Variants in COL21A1 observed in about 807,000 individuals in gnomAD.
COL21A1 encodes the protein collagen type XXI alpha 1 chain, also known as collagen alpha-1(XXI) chain.
Under a neutral mutation model 137.9 loss-of-function variants are expected in COL21A1, and 149 were observed. The ratio of observed to expected loss-of-function variants is 1.08; its 90% CI spans 0.95 to 1.24. The LOEUF is 1.24. COL21A1 is among the 50% of genes most tolerant of loss of function. The pLI, the probability that COL21A1 is intolerant of heterozygous loss-of-function variation, is 0.00. For synonymous variants in COL21A1, 456 were observed against 391.5 expected (o/e 1.16, Z -1.95); for missense variants, 1,167 against 1,158.4 (o/e 1.01, Z -0.11).
chr6:56,130,277 A>ATT (rs1773451768), intron 12 of COL21A1, among the ~76,000 whole-genome samples: 1 of 146,882 alleles, frequency 6.8e-6, no homozygotes, highest in Non-Finnish European at 1.5e-5. Flanking sequence ...ATACATGTAT[A>ATT]TTATATATAT....
intron 1 of COL21A1, among the ~76,000 whole-genome samples, chr6:56,295,741 A>G (rs1177706060): frequency 6.7e-6 from 1 of 149,692 alleles, no homozygotes; most frequent in Non-Finnish European, 1.5e-5. Flanking sequence ...TCAATTATTC[A>G]TTCCTGGTAT....
chr6:56,221,645 G>A (rs1780834145), intron 1 of COL21A1, among the ~76,000 whole-genome samples: 1 of 152,058 alleles, frequency 6.6e-6, no homozygotes, highest in Admixed American at 6.6e-5. Flanking sequence ...AACTGCTTGA[G>A]CCCAGGAGTT....
chr6:56,333,267 C>A (rs1475834686), intron 1 of COL21A1, among the ~76,000 whole-genome samples: 1 of 151,934 alleles, frequency 6.6e-6, no homozygotes, highest in East Asian at 1.9e-4. Flanking sequence ...TCCTTTCAAC[C>A]CTTCATTTCC....
intron 17 of COL21A1, among the ~76,000 whole-genome samples, chr6:56,094,477 A>T (rs1160387207): frequency 6.6e-6 from 1 of 152,100 alleles, no homozygotes; most frequent in Non-Finnish European, 1.5e-5. Flanking sequence ...TTTAACATTC[A>T]TATGTCTACC....
chr6:56,101,623 A>G, intron 16 of COL21A1, 98 bp from the exon 17 acceptor site: 1 of 799,432 alleles, frequency 1.3e-6, no homozygotes. Context: ...AACATTAAAT[A>G]CAAACAGAAA....
rs1413796613 is a variant in COL21A1 at position 56,125,551 on chromosome 6, T to C, written c.1650+16A>G. ...AAAGTTCAATATGAATACTTTGTTG[T>C]GTGATCTATACTTCCCTTTTTGCCA... is the stretch of plus-strand genomic sequence containing the variant. On this transcript the variant is annotated intron_variant, in intron 14 of 29. Coordinates refer to ENST00000244728, the MANE Select transcript of COL21A1 (RefSeq NM_030820.4). 1 of 1,574,882 alleles carries C rather than the reference T, an allele frequency of 6.3e-7. No homozygotes were observed. The highest frequency in any genetic ancestry group is 1.7e-5 in the Admixed American group (1 of 58,578).
At chr6:56,221,325 A>G (rs1780816156) in intron 1 of COL21A1, among the ~76,000 whole-genome samples, 1 of 152,132 alleles carries the variant, frequency 6.6e-6, no homozygotes, top group Admixed American at 6.6e-5. Flanking sequence ...AATGAAACTG[A>G]CTTTGAAGTT....
chr6:56,132,071 T>TA (rs58757078), intron 12 of COL21A1, among the ~76,000 whole-genome samples: 22,509 of 150,692 alleles, frequency 0.15, 1,725 homozygotes, highest in Middle Eastern at 0.23. Flanking sequence ...TTTAAAAATA[T>TA]AAAAAATAAA....
chr6:56,075,461 A>G lies in COL21A1; in HGVS notation c.1911+18T>C. The G allele has an allele frequency of 6.5e-7, 1 of 1,533,130 alleles. No homozygotes were observed. Among genetic ancestry groups the G allele is most frequent in the Non-Finnish European group, 8.8e-7 (1 of 1,138,784 alleles). 95.0% of individuals were successfully genotyped at this position (1,533,130 alleles called of 1,614,324 possible). A position where few individuals can be genotyped will look rare whatever the true frequency, so the allele number is the denominator to read the frequency against. On this transcript the variant is annotated intron_variant, in intron 19 of 29. Transcript: ENST00000244728. ...ACTGCAAACACTTTGATGTATGATG[A>G]TAATGACATCAACATACAGGCATCC...
chr6:56,209,463 A>C (rs1780011520), intron 1 of COL21A1, among the ~76,000 whole-genome samples: 1 of 152,172 alleles, frequency 6.6e-6, no homozygotes, highest in Non-Finnish European at 1.5e-5. Context: ...TCAAAAAGTG[A>C]GCGAAGGATA....
chr6:56,243,549 C>CG (rs1782471756), intron 1 of COL21A1, among the ~76,000 whole-genome samples: 1 of 152,150 alleles, frequency 6.6e-6, no homozygotes, highest in African/African-American at 2.4e-5. Flanking sequence ...AGAGCTTCAG[C>CG]TTAAAGCATT....
At chr6:56,163,509 G>A (rs898273159) in intron 9 of COL21A1, among the ~76,000 whole-genome samples, 4 of 152,142 alleles carry the variant, frequency 2.6e-5, no homozygotes, top group Admixed American at 6.6e-5. Context: ...AAGAGATCGA[G>A]ACGATCCTTG....
At chr6:56,293,346 A>T (rs1764097199) in intron 1 of COL21A1, among the ~76,000 whole-genome samples, 1 of 152,290 alleles carries the variant, frequency 6.6e-6, no homozygotes, top group Non-Finnish European at 1.5e-5. Context: ...TGAGTCATGT[A>T]TTCTGAAATT....
Position 56,150,514 on chromosome 6 carries a change from T to TCTCA in COL21A1, c.1434+6372_1434+6373insTGAG, listed in dbSNP as rs1186958042. Among the ~76,000 whole-genome samples the TCTCA allele has an allele frequency of 3.2e-4, 15 of 46,198 alleles. 1 individual carries two copies. The highest frequency in any genetic ancestry group is 2.3e-3 in the East Asian group (3 of 1,292). 30.3% of individuals were successfully genotyped at this position (46,198 alleles called of 152,430 possible). On this transcript the variant is annotated intron_variant, in intron 10 of 29. Coordinates refer to ENST00000244728, the MANE Select transcript of COL21A1 (RefSeq NM_030820.4). The stretch of plus-strand genomic sequence containing the variant: ...GCCTGGGCGACAGAGCGAGACTCCA[T>TCTCA]CACACACACACACACACACACACAC...
rs1402170446 is a variant in COL21A1, at chr6:56,150,565, C to CACACACACACAA, written c.1434+6321_1434+6322insTTGTGTGTGTGT. Among the ~76,000 whole-genome samples the CACACACACACAA allele has an allele frequency of 7.4e-3, 839 of 112,690 alleles. 33 individuals are homozygous for CACACACACACAA. Among genetic ancestry groups the CACACACACACAA allele is most frequent in the African/African-American group, 0.027 (732 of 27,610 alleles). 73.9% of individuals were successfully genotyped at this position (112,690 alleles called of 152,430 possible). On this transcript the variant is annotated intron_variant, in intron 10 of 29. Transcript: ENST00000244728. ...ACACACACACACACACACACACACACAAGAGTGGGGGGAACTGAATCACGA... is the reference window on the plus strand; with the variant it reads ...ACACACACACACACACACACACACACACACACACACAAAAGAGTGGGGGGAACTGAATCACGA...
chr6:56,178,132 T>C (rs1459911826), intron 3 of COL21A1, among the ~76,000 whole-genome samples: 1 of 152,176 alleles, frequency 6.6e-6, no homozygotes, highest in Admixed American at 6.5e-5. Context: ...AACAAACATT[T>C]TATCAGTTAC....
chr6:56,209,439 A>G (rs2152304607), intron 1 of COL21A1, among the ~76,000 whole-genome samples: 1 of 152,324 alleles, frequency 6.6e-6, no homozygotes, highest in Non-Finnish European at 1.5e-5. Context: ...ACAAGAAAAA[A>G]ATAAGCAACC....
chr6:56,312,029 G>A (rs1764627405), intron 1 of COL21A1, among the ~76,000 whole-genome samples: 2 of 152,162 alleles, frequency 1.3e-5, no homozygotes, highest in Admixed American at 1.3e-4. Context: ...GTGTGAGCAG[G>A]GAACTATAAA....
intron 9 of COL21A1, among the ~76,000 whole-genome samples, chr6:56,163,354 A>G (rs1776326276): frequency 6.6e-6 from 1 of 152,348 alleles, no homozygotes; most frequent in Non-Finnish European, 1.5e-5. Flanking sequence ...AAACCACTAC[A>G]CTTCTTAGTG....
Sources: gnomAD v4.1 joint callset for allele counts (sites outside exome capture counted in the v4.1 genomes callset) on GRCh38, gnomAD v4.1.1 for gene constraint, MANE v1.5 for transcripts, NCBI Gene and HGNC (gene_info 2026-07-23, HGNC 2026-07-21) for gene names.